CR1: variants seen among roughly 807,000 people sequenced by gnomAD.
CR1 encodes the protein complement C3b/C4b receptor 1 (Knops blood group), also known as complement receptor type 1.
A neutral mutation model predicts 187.3 loss-of-function variants in CR1; 116 were observed. That is an observed-to-expected ratio of 0.62 (90% CI 0.53 to 0.72). The LOEUF (loss-of-function observed/expected upper bound fraction) is 0.72, where lower values mean the gene tolerates loss of function less well. CR1 is among the 30% of genes least tolerant of loss of function. The pLI is 0.00. For missense variants in CR1, 1,731 were observed against 2,110.7 expected (o/e 0.82, Z 3.52); for synonymous variants, 576 against 747.1 (o/e 0.77, Z 3.73).
chr1:207,605,924 T>C (rs1661737675), intron 35 of CR1: 1 of 152,238 alleles, frequency 6.6e-6, no homozygotes, highest in Admixed American at 6.5e-5. Context: ...AGTCACACAG[T>C]TCCCTTTAGC....
chr1:207,513,655 G>A (rs1422905956), intron 4 of CR1, among the ~76,000 whole-genome samples: 1 of 151,884 alleles, frequency 6.6e-6, no homozygotes, highest in Non-Finnish European at 1.5e-5. Context: ...GGTTGACATG[G>A]TGCCAAACCA....
rs761380715 is a variant in CR1, at chr1:207,612,033, C to A, written c.6567C>A (p.Cys2189Ter). The stretch of plus-strand genomic sequence containing the variant: ...TTGGGGCAAAGGTGTCCTTTGTTTG[C>A]GATGAAGGGTGAGTGTGACCCAGCG... ...LQLGAKVSFV[C>*]DEGFRLKGRS... Residue 2189 changes from cysteine (C) to a stop codon, truncating the protein, a stop_gained, in exon 39 of 47, where the codon TGC (cysteine) becomes TGA (stop). Coordinates refer to ENST00000367049, the MANE Select transcript of CR1 (RefSeq NM_000651.6). LOFTEE classifies it high-confidence loss of function. The A allele has an allele frequency of 1.1e-5, 18 of 1,613,718 alleles. No homozygotes were observed. Among genetic ancestry groups the A allele is most frequent in the South Asian group, 5.5e-5 (5 of 91,090 alleles).
rs923234480 is a variant in CR1, at chr1:207,609,429, A to G, written c.6036A>G (p.Gly2012=). 1 of 1,613,872 alleles carries G rather than the reference A, an allele frequency of 6.2e-7. No individual in the cohort carries two copies. Among genetic ancestry groups the G allele is most frequent in the African/African-American group, 1.3e-5 (1 of 74,930 alleles). ...PDGEQLFELV[G]ERSIYCTSKD... is the part of the protein sequence containing the mutation. The stretch of plus-strand genomic sequence containing the variant: ...GAGAACAGCTGTTTGAGCTTGTGGG[A>G]GAACGGTCAATATATTGCACCAGCA... Residue 2012 remains glycine, a synonymous_variant, in exon 37 of 47, where the codon GGA becomes GGG. Coordinates refer to ENST00000367049, the MANE Select transcript of CR1 (RefSeq NM_000651.6).
chr1:207,511,165 C>T (rs897271769), intron 3 of CR1, among the ~76,000 whole-genome samples: 12 of 152,066 alleles, frequency 7.9e-5, no homozygotes, highest in African/African-American at 2.9e-4. Context: ...AAAGCCCATC[C>T]ATGCATCCAT....
intron 4 of CR1, among the ~76,000 whole-genome samples, chr1:207,519,179 C>T (rs1188587582): frequency 6.6e-6 from 1 of 151,986 alleles, no homozygotes; most frequent in South Asian, 2.1e-4. Flanking sequence ...AAATCTTTTA[C>T]TTTCAGCCCT....
At chr1:207,601,932 A>G (rs533899094) in intron 35 of CR1, among the ~76,000 whole-genome samples, 2 of 152,192 alleles carry the variant, frequency 1.3e-5, no homozygotes, top group African/African-American at 4.8e-5. Flanking sequence ...GTTCCTCACT[A>G]CATGGGCTTC....
rs371120068 is a variant in CR1 at position 207,618,364 on chromosome 1, G to A, written c.7066+117G>A. 9.2e-5 allele frequency: 83 copies of A among 902,396 alleles called. 1 individual carries two copies. The East Asian group carries it at 1.6e-3, about 17-fold the overall frequency. 55.9% of individuals were successfully genotyped at this position (902,396 alleles called of 1,614,324 possible). ...AAAGGGATAATATTTTTTTCTTCTC[G>A]GCAACTGCTTTCTTTTCATTTACAT... On this transcript the variant is annotated intron_variant, in intron 42 of 46. Transcript: ENST00000367049.
chr1:207,523,317 A>C (rs1558226225), intron 4 of CR1, among the ~76,000 whole-genome samples: 2 of 152,252 alleles, frequency 1.3e-5, no homozygotes, highest in Non-Finnish European at 2.9e-5. Context: ...AAAGAGTAGG[A>C]GAAAACTGTA....
chr1:207,622,155 TAA>T (rs1000172124), intron 44 of CR1, among the ~76,000 whole-genome samples, 159 bp downstream of exon 44: 3 of 152,308 alleles, frequency 2.0e-5, no homozygotes, highest in Non-Finnish European at 2.9e-5. Flanking sequence ...AAAATAATGA[TAA>T]GTTAGGCCAC....
At position 207,616,668 on chromosome 1, in the gene CR1, C is replaced by T. The variant is rs1409139939; in HGVS notation, c.6755C>T (p.Ala2252Val). Residue 2252 changes from alanine to valine, a missense_variant, in exon 41 of 47, where the codon GCA becomes GTA. Physicochemically the swap from Ala to Val is moderately conservative, Grantham distance 64. Around this residue, in one of 5 missense-constraint regions of CR1, gnomAD observed 1,312 missense variants for 1,379.6 expected, o/e 0.95. Transcript: ENST00000367049. ...CCCTATGGAAAAGAAATATCTTACG[C>T]ATGCGACACCCACCCAGACAGAGGG... Reference protein sequence around the residue: ...DIPYGKEISYACDTHPDRGMT... With the variant: ...DIPYGKEISYVCDTHPDRGMT... The T allele has an allele frequency of 5.0e-6, 8 of 1,613,984 alleles. No individual in the cohort carries two copies. Among genetic ancestry groups the T allele is most frequent in the Middle Eastern group, 3.3e-4 (2 of 6,062 alleles).
chr1:207,506,427 T>C (rs1659434773), intron 2 of CR1, among the ~76,000 whole-genome samples: 2 of 152,226 alleles, frequency 1.3e-5, no homozygotes, highest in South Asian at 4.1e-4. Flanking sequence ...TCTTGGGCTT[T>C]GAGATCTTTG....
At chr1:207,514,088 A>C (rs1659710989) in intron 4 of CR1, among the ~76,000 whole-genome samples, 1 of 152,098 alleles carries the variant, frequency 6.6e-6, no homozygotes, top group Non-Finnish European at 1.5e-5. Context: ...TGATGTAATC[A>C]TATCTGTTTC....
intron 39 of CR1, among the ~76,000 whole-genome samples, chr1:207,613,515 T>G (rs926977219): frequency 3.3e-5 from 5 of 152,110 alleles, no homozygotes; most frequent in Non-Finnish European, 5.9e-5. Flanking sequence ...AACTTGTAGC[T>G]AGGCTTTAAA....
chr1:207,626,641 G>A (rs992188291), intron 45 of CR1, among the ~76,000 whole-genome samples: 2 of 152,172 alleles, frequency 1.3e-5, no homozygotes, highest in African/African-American at 4.8e-5. Context: ...TGCTCTATGG[G>A]AGAGCCACAG....
chr1:207,579,857 C>A (rs1445945364), intron 29 of CR1, among the ~76,000 whole-genome samples: 1 of 152,158 alleles, frequency 6.6e-6, no homozygotes. Context: ...CCAGAGTAAG[C>A]CCCAATTTAG....
intron 5 of CR1, among the ~76,000 whole-genome samples, chr1:207,524,681 C>T (rs1167852316): frequency 2.0e-5 from 3 of 151,970 alleles, no homozygotes; most frequent in Admixed American, 2.0e-4. Context: ...AGCCACCGTG[C>T]CCGGCCTCTA....
intron 45 of CR1, among the ~76,000 whole-genome samples, chr1:207,626,580 C>T (rs1390032010): frequency 6.6e-6 from 1 of 152,180 alleles, no homozygotes; most frequent in Non-Finnish European, 1.5e-5. Flanking sequence ...GCCATTTATC[C>T]TGGAGCTAAA....
chr1:207,619,271 T>C (rs1480511619), intron 42 of CR1, among the ~76,000 whole-genome samples: 1 of 148,540 alleles, frequency 6.7e-6, no homozygotes, highest in Non-Finnish European at 1.5e-5. Context: ...TCGTCCCACC[T>C]ACCCGGGAGG....
In CR1 at chr1:207,588,612, T is replaced by C. The variant is rs181557071; in HGVS notation, c.5711-63T>C. On this transcript the variant is annotated intron_variant, in intron 34 of 46. Transcript: ENST00000367049. ...TGCTGTTTAGTATGCCACACTCCAGTCTGAACCTTACAAAGGTAAGTTGAA... is the reference window on the plus strand; with the variant it reads ...TGCTGTTTAGTATGCCACACTCCAGCCTGAACCTTACAAAGGTAAGTTGAA... 3.6e-6 allele frequency: 4 copies of C among 1,116,224 alleles called. No individual in the cohort carries two copies. The African/African-American group carries it at 4.6e-5, about 13-fold the overall frequency. 69.1% of individuals were successfully genotyped at this position (1,116,224 alleles called of 1,614,324 possible). A position where few individuals can be genotyped will look rare whatever the true frequency, so the allele number is the denominator to read the frequency against.
Sources: gnomAD v4.1 joint callset for allele counts (sites outside exome capture counted in the v4.1 genomes callset) on GRCh38, gnomAD v4.1.1 for gene constraint, gnomAD v4.1.1 regional missense constraint, MANE v1.5 for transcripts, NCBI Gene and HGNC (gene_info 2026-07-23, HGNC 2026-07-21) for gene names.